The following CRTC1 variants were observed in gnomAD, a reference collection of about 807,000 sequenced individuals.
The protein encoded by CRTC1 is CREB regulated transcription coactivator 1.
In CRTC1, 18 loss-of-function variants were observed where a neutral mutation model predicts 66.1. That is an observed-to-expected ratio of 0.27 (90% confidence interval 0.19 to 0.40). CRTC1 has a LOEUF of 0.40. Among genes scored for constraint, CRTC1 ranks in the 10% least tolerant of loss-of-function variants. The pLI is 1.00. For missense variants in CRTC1, 669 were observed against 887.9 expected, an observed-to-expected ratio of 0.75 and a Z score of 3.13; for synonymous variants, 416 against 398.8, an observed-to-expected ratio of 1.04 and a Z score of -0.51.
intron 8 of CRTC1, among the ~76,000 whole-genome samples, chr19:18,762,587 C>T (rs1017060809): frequency 2.0e-5 from 3 of 152,218 alleles, no homozygotes; most frequent in Non-Finnish European, 4.4e-5. Flanking sequence ...TTCCAGAGTG[C>T]AGGAGGAGGG....
At chr19:18,708,017 C>T (rs2053304823) in intron 1 of CRTC1, among the ~76,000 whole-genome samples, 1 of 152,246 alleles carries the variant, frequency 6.6e-6, no homozygotes, top group African/African-American at 2.4e-5. Context: ...TCCATGAAGG[C>T]AGCCATGTCT....
chr19:18,749,941 CCAGGAGGT>C, intron 5 of CRTC1, 66 bp downstream of exon 5: 1 of 1,282,328 alleles, frequency 7.8e-7, no homozygotes, highest in Non-Finnish European at 1.1e-6. Context: ...CCCCTGTTCT[CCAGGAGGT>C]CACAAGCTTG....
At position 18,768,849 on chromosome 19, in the gene CRTC1, C is replaced by T; in HGVS notation, c.1320+56C>T. 1 of 1,526,234 alleles carries T rather than the reference C, an allele frequency of 6.6e-7. No individual in the cohort carries two copies. Among genetic ancestry groups the T allele is most frequent in the Non-Finnish European group, 8.8e-7 (1 of 1,137,150 alleles). 94.5% of individuals were successfully genotyped at this position (1,526,234 alleles called of 1,614,324 possible). A position where few individuals can be genotyped will look rare whatever the true frequency, so the allele number is the denominator to read the frequency against. ...GACTGGGGGTCTTGTAGAGGACAGC[C>T]CGGGGGCTGCAGAACAGTCGGGTTA... On this transcript the variant is annotated intron_variant, in intron 10 of 13. Coordinates refer to ENST00000321949, the MANE Select transcript of CRTC1 (RefSeq NM_015321.3). This position sits in a 1 kb window ranked among gnomAD's most constrained non-coding sequence, Gnocchi z 5.6.
rs530611945 is a variant in CRTC1 at position 18,768,152 on chromosome 19, G to T, written c.1012-333G>T. On this transcript the variant is annotated intron_variant, in intron 9 of 13. Transcript: ENST00000321949. The surrounding 1 kb of genome is among the most constrained non-coding windows in gnomAD (Gnocchi z 5.6). ...CAGCACCCACAGGGGCTGGGAGCTG[G>T]CTGCTCACTGAGCCACCAGGGATGG... Among the ~76,000 whole-genome samples, 3 of 152,332 alleles carry T rather than the reference G, an allele frequency of 2.0e-5. No homozygotes were observed. The highest frequency in any genetic ancestry group is 1.3e-4 in the Admixed American group (2 of 15,312).
chr19:18,724,294 A>T (rs927599512), intron 1 of CRTC1, among the ~76,000 whole-genome samples: 1 of 151,884 alleles, frequency 6.6e-6, no homozygotes, highest in African/African-American at 2.4e-5. Flanking sequence ...TTTCATTTTC[A>T]TCTTAGAGGT....
At chr19:18,731,209 T>C (rs1391493760) in intron 1 of CRTC1, among the ~76,000 whole-genome samples, 1 of 152,168 alleles carries the variant, frequency 6.6e-6, no homozygotes, top group Non-Finnish European at 1.5e-5. Flanking sequence ...AATAGAAATG[T>C]CTTGTCTCTC....
At chr19:18,710,237 C>G (rs2053360322) in intron 1 of CRTC1, among the ~76,000 whole-genome samples, 1 of 152,192 alleles carries the variant, frequency 6.6e-6, no homozygotes, top group South Asian at 2.1e-4. Flanking sequence ...CTCCATCTAC[C>G]CACCCAGCTG....
intron 6 of CRTC1, among the ~76,000 whole-genome samples, chr19:18,758,867 G>A (rs928665684): frequency 2.3e-4 from 35 of 152,142 alleles, no homozygotes; most frequent in African/African-American, 8.4e-4. Flanking sequence ...TCCTGCCCCC[G>A]GAACCCCTGC....
At position 18,781,288 on chromosome 19, in the gene CRTC1, C is replaced by T. The variant is rs1213814046; in HGVS notation, c.*3906C>T. The T allele has an allele frequency of 4.4e-6, 1 of 228,654 alleles. No homozygotes were observed. The highest frequency in any genetic ancestry group is 8.7e-6 in the Non-Finnish European group (1 of 115,352). The allele number at this position is 228,654 out of a possible 1,614,324, so 14.2% of individuals were successfully genotyped here. ...GGGGCAAGACTCGGCCCCTCACTCA[C>T]CCTGGGAGGCCTGCCTGGGCTACAT... On this transcript the variant is annotated 3_prime_UTR_variant, in exon 14 of 14. Coordinates refer to ENST00000321949, the MANE Select transcript of CRTC1 (RefSeq NM_015321.3).
intron 8 of CRTC1, among the ~76,000 whole-genome samples, chr19:18,763,326 C>T (rs1206325606): frequency 1.3e-5 from 2 of 152,292 alleles, no homozygotes; most frequent in Admixed American, 6.5e-5. Context: ...ATCTCAAACT[C>T]CTGCCCTCAG....
intron 1 of CRTC1, among the ~76,000 whole-genome samples, chr19:18,721,384 G>A (rs1463681298): frequency 6.6e-6 from 1 of 151,820 alleles, no homozygotes; most frequent in Non-Finnish European, 1.5e-5. Flanking sequence ...CGGTAGAGAC[G>A]GGGTTTCACA....
chr19:18,683,684 A>C lies in CRTC1; in HGVS notation c.-19A>C, dbSNP rs1490684505. ...GAGGTGGAGGAGGAGGAGGAGGAGG[A>C]GGAGGTGGCGGCGAGAAGATGGCGA... On this transcript the variant is annotated 5_prime_UTR_variant, in exon 1 of 14. Transcript: ENST00000321949. 5 of 1,372,232 alleles carry C rather than the reference A, an allele frequency of 3.6e-6. No individual in the cohort carries two copies. The highest frequency in any genetic ancestry group is 1.3e-5 in the South Asian group (1 of 75,854). 85.0% of individuals were successfully genotyped at this position (1,372,232 alleles called of 1,614,324 possible).
intron 1 of CRTC1, among the ~76,000 whole-genome samples, chr19:18,695,515 G>A (rs2145499131): frequency 6.6e-6 from 1 of 152,272 alleles, no homozygotes; most frequent in South Asian, 2.1e-4. Context: ...TTGTCACGAC[G>A]GGGAATGGGG....
rs116304839 is a variant in CRTC1 at position 18,711,194 on chromosome 19, G to A, written c.126+27366G>A. On this transcript the variant is annotated intron_variant, in intron 1 of 13. Coordinates refer to ENST00000321949, the MANE Select transcript of CRTC1 (RefSeq NM_015321.3). ...TCCCGTCCCAGGTGGCCTGCTTCTC[G>A]GGGAGGGGCCTGGGAGGACTTCTTG... 3.4e-3 allele frequency among the ~76,000 whole-genome samples: 524 copies of A among 152,264 alleles called. 3 individuals carry two copies. Among genetic ancestry groups the A allele is most frequent in the African/African-American group, 0.012 (507 of 41,568 alleles).
rs1033107079 is a variant in CRTC1 at position 18,771,232 on chromosome 19, G to T, written c.1321-210G>T. 4.8e-5 allele frequency among the ~76,000 whole-genome samples: 4 copies of T among 82,562 alleles called. No homozygotes were observed. The highest frequency in any genetic ancestry group is 1.4e-4 in the Admixed American group (1 of 7,240). The allele number at this position is 82,562 out of a possible 152,430, so 54.2% of individuals were successfully genotyped here. ...CACCCTCCACGCCGTTCCTTCCTGGGTTCGGGGGCAGCTCCCCGGAGGCTC... is the reference window on the plus strand; with the variant it reads ...CACCCTCCACGCCGTTCCTTCCTGGTTTCGGGGGCAGCTCCCCGGAGGCTC... On this transcript the variant is annotated intron_variant, in intron 10 of 13. Coordinates refer to ENST00000321949, the MANE Select transcript of CRTC1 (RefSeq NM_015321.3). This position sits in a 1 kb window ranked among gnomAD's most constrained non-coding sequence, Gnocchi z 4.6.
chr19:18,711,779 C>T (rs1044423792), intron 1 of CRTC1, among the ~76,000 whole-genome samples: 7 of 152,178 alleles, frequency 4.6e-5, no homozygotes, highest in Non-Finnish European at 1.5e-5. Context: ...AGCTGACGTC[C>T]TCTTCCTTAT....
chr19:18,725,106 C>G (rs763401826), intron 1 of CRTC1, among the ~76,000 whole-genome samples: 2 of 152,106 alleles, frequency 1.3e-5, no homozygotes, highest in Non-Finnish European at 2.9e-5. Flanking sequence ...GTATGCTTCA[C>G]CTTGGGGAGC....
Position 18,768,604 on chromosome 19 carries a change from C to T in CRTC1, c.1131C>T (p.Ser377=). ...CCCCGCCGCCTCCTCCACCCGCGTC[C>T]CAGCAGCCACCACCCCCGCCACCCC... ...PQPPPPPPPA[S]QQPPPPPPPQ... The change falls in exon 10 of 14, where the codon TCC becomes TCT. Residue 377 remains serine (S), a synonymous_variant. Coordinates refer to ENST00000321949, the MANE Select transcript of CRTC1 (RefSeq NM_015321.3). The surrounding 1 kb of genome is among the most constrained non-coding windows in gnomAD (Gnocchi z 5.6). 3 of 1,528,434 alleles carry T rather than the reference C, an allele frequency of 2.0e-6. No homozygotes were observed. The highest frequency in any genetic ancestry group is 2.4e-5 in the South Asian group (2 of 84,112). The allele number at this position is 1,528,434 out of a possible 1,614,324, so 94.7% of individuals were successfully genotyped here. A position where few individuals can be genotyped will look rare whatever the true frequency, so the allele number is the denominator to read the frequency against.
Position 18,778,827 on chromosome 19 carries a change from T to C in CRTC1, c.*1445T>C, listed in dbSNP as rs1032398132. ...TGGGTGGAACTGGCATTTCATCCCC[T>C]CTCCACCCTACCCTCTGGCTCCTAG... On this transcript the variant is annotated 3_prime_UTR_variant, in exon 14 of 14. Transcript: ENST00000321949. The C allele has an allele frequency of 8.6e-6, 2 of 231,258 alleles. No individual in the cohort carries two copies. Among genetic ancestry groups the C allele is most frequent in the Non-Finnish European group, 1.7e-5 (2 of 116,904 alleles). 14.3% of individuals were successfully genotyped at this position (231,258 alleles called of 1,614,324 possible).
Sources: allele counts gnomAD v4.1 joint callset (sites outside exome capture counted in the v4.1 genomes callset), GRCh38; gene constraint gnomAD v4.1.1; non-coding constraint Gnocchi (gnomAD v3.1); transcripts MANE v1.5; gene names NCBI Gene and HGNC (gene_info 2026-07-23, HGNC 2026-07-21).